ANKRD11: variants seen among roughly 807,000 people sequenced by gnomAD.
ANKRD11 encodes ankyrin repeat domain-containing protein 11.
ANKRD11 carries 17 observed loss-of-function variants against 195.7 expected under a neutral mutation model. That is an observed-to-expected ratio of 0.09 (90% CI 0.06 to 0.13). ANKRD11 has a LOEUF of 0.13. Ranked by LOEUF, ANKRD11 falls within the 10% of genes least tolerant of loss-of-function variation. The pLI, the probability that ANKRD11 is intolerant of heterozygous loss-of-function variation, is 1.00. For synonymous variants in ANKRD11, 1,953 were observed against 1,528.1 expected (o/e 1.28, Z -6.49); for missense variants, 3,735 against 3,566.1 (o/e 1.05, Z -1.21).
chr16:89,275,041 G>T (rs372534900), intron 10 of ANKRD11, 52 bp downstream of exon 10: 167 of 1,612,410 alleles, frequency 1.0e-4, no homozygotes, highest in Non-Finnish European at 1.3e-4. Flanking sequence ...TGGGGCCTGC[G>T]CCGTGAAAAG....
At chr16:89,439,163 G>C (rs918568880) in intron 1 of ANKRD11, among the ~76,000 whole-genome samples, 1 of 152,062 alleles carries the variant, frequency 6.6e-6, no homozygotes, top group South Asian at 2.1e-4. Flanking sequence ...CACAGTCCCA[G>C]AGTCTTCTTT....
chr16:89,318,620 G>A (rs148896288), intron 2 of ANKRD11, among the ~76,000 whole-genome samples: 36 of 152,332 alleles, frequency 2.4e-4, no homozygotes, highest in African/African-American at 7.9e-4. Flanking sequence ...GTCAGCTAAA[G>A]GATACGTTGC....
At chr16:89,436,776 T>A (rs2043232785) in intron 1 of ANKRD11, among the ~76,000 whole-genome samples, 1 of 152,222 alleles carries the variant, frequency 6.6e-6, no homozygotes, top group African/African-American at 2.4e-5. Context: ...GTTATTCTAA[T>A]CCCCTGAGGT....
intron 1 of ANKRD11, among the ~76,000 whole-genome samples, chr16:89,442,482 T>C (rs1448192058): frequency 2.6e-5 from 4 of 152,190 alleles, no homozygotes; most frequent in Non-Finnish European, 5.9e-5. Flanking sequence ...CGCCCCTTTA[T>C]GCACAGCTTC....
intron 2 of ANKRD11, among the ~76,000 whole-genome samples, chr16:89,386,301 AAGAC>A (rs937633970): frequency 3.3e-5 from 5 of 152,106 alleles, no homozygotes; most frequent in African/African-American, 1.2e-4. Flanking sequence ...CTTGATTATT[AAGAC>A]AGACAATGCA....
At chr16:89,357,502 A>C (rs1329287794) in intron 2 of ANKRD11, among the ~76,000 whole-genome samples, 1 of 152,228 alleles carries the variant, frequency 6.6e-6, no homozygotes, top group African/African-American at 2.4e-5. Context: ...CATATGATCC[A>C]GCAGTTCCCC....
In ANKRD11 at chr16:89,281,715, C is replaced by G; in HGVS notation, c.4827G>C (p.Glu1609Asp). 6.2e-7 allele frequency: 1 copy of G among 1,614,138 alleles called. No homozygotes were observed. Among genetic ancestry groups the G allele is most frequent in the Non-Finnish European group, 8.5e-7 (1 of 1,180,028 alleles). The stretch of plus-strand genomic sequence containing the variant: ...GGTCTCCGGACCGGTGCCTCAGCTT[C>G]TCCATTTGCTTCATCCTCTCCTTGT... ...KRHKERMKQM[E>D]KLRHRSGDPK... is the part of the protein sequence containing the mutation. Residue 1609 changes from glutamate to aspartate, a missense_variant, in exon 9 of 13, where the codon GAG (glutamate) becomes GAC (aspartate). By Grantham distance (45) the Glu-to-Asp change is conservative (BLOSUM62 2). Transcript: ENST00000301030. The surrounding 1 kb of genome is among the most constrained non-coding windows in gnomAD (Gnocchi z 5.5).
rs745575561 is a variant in ANKRD11 at position 89,282,915 on chromosome 16, C to G, written c.3627G>C (p.Lys1209Asn). ...EKVFEKHKEK[K>N]DKESTEKYKD... The stretch of plus-strand genomic sequence containing the variant: ...TGTACTTTTCTGTGGACTCTTTATC[C>G]TTCTTCTCCTTGTGCTTTTCAAAGA... Residue 1209 changes from lysine to asparagine, a missense_variant, in exon 9 of 13, where the codon AAG becomes AAC. Coordinates refer to ENST00000301030, the MANE Select transcript of ANKRD11 (RefSeq NM_013275.6). 1 of 1,613,030 alleles carries G rather than the reference C, an allele frequency of 6.2e-7. No individual in the cohort carries two copies. Among genetic ancestry groups the G allele is most frequent in the Non-Finnish European group, 8.5e-7 (1 of 1,179,940 alleles).
intron 3 of ANKRD11, among the ~76,000 whole-genome samples, chr16:89,309,596 G>C (rs1053106992): frequency 5.9e-4 from 90 of 152,232 alleles, no homozygotes; most frequent in African/African-American, 2.1e-3. Flanking sequence ...TGTGACACGA[G>C]GCTTGCCCCG....
At chr16:89,411,201 A>C (rs2042098472) in intron 2 of ANKRD11, among the ~76,000 whole-genome samples, 1 of 152,230 alleles carries the variant, frequency 6.6e-6, no homozygotes, top group Admixed American at 6.5e-5. Context: ...GGTGCCCTCC[A>C]CCACATCCCC....
chr16:89,284,990 G>C lies in ANKRD11; in HGVS notation c.1552C>G (p.Leu518Val), dbSNP rs2034545210. ...TGAGACGAGGTGGAGGAGGCAGAGA[G>C]GGAGCTGAACAGGGAGGGGTCCTTC... ...VLKDPSLFSS[L>V]SASSTSSHGS... The change falls in exon 9 of 13, where the codon CTC (leucine) becomes GTC (valine). Residue 518 changes from leucine to valine, a missense_variant. Physicochemically the swap from Leu to Val is conservative, Grantham distance 32. Coordinates refer to ENST00000301030, the MANE Select transcript of ANKRD11 (RefSeq NM_013275.6). 1 of 1,613,946 alleles carries C rather than the reference G, an allele frequency of 6.2e-7. No individual in the cohort carries two copies.
At chr16:89,304,551 T>A (rs909365511) in intron 4 of ANKRD11, among the ~76,000 whole-genome samples, 4 of 135,556 alleles carry the variant, frequency 3.0e-5, no homozygotes, top group Admixed American at 2.9e-4. Flanking sequence ...CACAAGCACA[T>A]ACACGGGCAC....
intron 1 of ANKRD11, among the ~76,000 whole-genome samples, chr16:89,419,312 G>T (rs958191059): frequency 1.3e-5 from 2 of 151,950 alleles, no homozygotes; most frequent in South Asian, 2.1e-4. Flanking sequence ...AATTAACCAG[G>T]TGTGGTGGCT....
chr16:89,313,447 C>T (rs1023188438), intron 3 of ANKRD11: 7 of 1,289,198 alleles, frequency 5.4e-6, no homozygotes, highest in African/African-American at 3.0e-5. Flanking sequence ...TCTGACACGC[C>T]TGCCACTGTG....
intron 2 of ANKRD11, among the ~76,000 whole-genome samples, chr16:89,367,421 C>T (rs2039995667): frequency 6.6e-6 from 1 of 152,192 alleles, no homozygotes; most frequent in African/African-American, 2.4e-5. Context: ...TAGCCGGCAA[C>T]TCAGGGGAGA....
At chr16:89,296,845 G>A (rs1036709959) in intron 4 of ANKRD11, among the ~76,000 whole-genome samples, 1 of 152,046 alleles carries the variant, frequency 6.6e-6, no homozygotes, top group Non-Finnish European at 1.5e-5. Context: ...GCATAAAACA[G>A]CACAAATCCA....
At chr16:89,350,139 C>G (rs551969848) in intron 2 of ANKRD11, among the ~76,000 whole-genome samples, 1 of 152,220 alleles carries the variant, frequency 6.6e-6, no homozygotes, top group African/African-American at 2.4e-5. Flanking sequence ...AAATTAAAAC[C>G]GCAATTCACT....
chr16:89,325,699 T>C (rs562223983), intron 2 of ANKRD11, among the ~76,000 whole-genome samples: 2 of 152,304 alleles, frequency 1.3e-5, no homozygotes, highest in African/African-American at 4.8e-5. Context: ...GTCTGCTAAG[T>C]TGTACATTTT....
At chr16:89,296,012 A>C (rs2035413452) in intron 4 of ANKRD11, among the ~76,000 whole-genome samples, 1 of 8,660 alleles carries the variant, frequency 1.2e-4, no homozygotes, top group African/African-American at 8.6e-4. Context: ...TTTTTGAGAC[A>C]AGGTCTTGCT....
Sources: gnomAD v4.1 joint callset for allele counts (sites outside exome capture counted in the v4.1 genomes callset) on GRCh38, gnomAD v4.1.1 for gene constraint, Gnocchi (gnomAD v3.1) non-coding constraint, MANE v1.5 for transcripts, NCBI Gene and HGNC (gene_info 2026-07-23, HGNC 2026-07-21) for gene names.